CCSER1: variants seen among roughly 807,000 people sequenced by gnomAD.
The protein encoded by CCSER1 is coiled-coil serine rich protein 1.
CCSER1 carries 41 observed loss-of-function variants against 82.0 expected under a neutral mutation model. That is an observed-to-expected ratio of 0.50 (90% CI 0.39 to 0.65). The LOEUF (loss-of-function observed/expected upper bound fraction) is 0.65, where lower values mean the gene tolerates loss of function less well. Among genes scored for constraint, CCSER1 ranks in the 30% least tolerant of loss-of-function variants. The pLI is 0.00. For synonymous variants in CCSER1, 414 were observed against 383.9 expected (o/e 1.08, Z -0.92); for missense variants, 1,119 against 1,064.2 (o/e 1.05, Z -0.72).
At chr4:91,110,306 A>C (rs1725989818) in intron 10 of CCSER1, among the ~76,000 whole-genome samples, 1 of 151,004 alleles carries the variant, frequency 6.6e-6, no homozygotes, top group African/African-American at 2.4e-5. Context: ...GGAAAAAAAT[A>C]AACTTAGTGC....
At chr4:91,423,304 C>G (rs74740425) in intron 10 of CCSER1, among the ~76,000 whole-genome samples, 1 of 151,202 alleles carries the variant, frequency 6.6e-6, no homozygotes, top group Non-Finnish European at 1.5e-5. Context: ...ATGGAAAGTG[C>G]CTGTAATCCC....
intron 3 of CCSER1, among the ~76,000 whole-genome samples, chr4:90,323,319 T>C (rs1002953847): frequency 2.0e-5 from 3 of 152,232 alleles, no homozygotes; most frequent in African/African-American, 4.8e-5. Flanking sequence ...AACTGGGATT[T>C]GCCCAAGGAC....
At chr4:91,130,055 C>T (rs1727866987) in intron 10 of CCSER1, 1 of 151,732 alleles carries the variant, frequency 6.6e-6, no homozygotes, top group Non-Finnish European at 1.5e-5. Flanking sequence ...TTTTAATATA[C>T]AATTTTAAAT....
At chr4:91,249,527 A>G (rs899086098) in intron 10 of CCSER1, among the ~76,000 whole-genome samples, 1 of 152,072 alleles carries the variant, frequency 6.6e-6, no homozygotes, top group African/African-American at 2.4e-5. Flanking sequence ...TAAAGGGATA[A>G]CAGCTTTATT....
At chr4:90,723,003 A>C (rs1301968677) in intron 6 of CCSER1, among the ~76,000 whole-genome samples, 1 of 151,884 alleles carries the variant, frequency 6.6e-6, no homozygotes, top group Non-Finnish European at 1.5e-5. Flanking sequence ...TTTGGTTTTA[A>C]TCTTCACTGC....
chr4:90,961,013 A>G (rs2150375476), intron 9 of CCSER1, among the ~76,000 whole-genome samples: 1 of 152,252 alleles, frequency 6.6e-6, no homozygotes, highest in Middle Eastern at 3.4e-3. Flanking sequence ...CCCTAATTAT[A>G]TCTTGCATTT....
Position 91,306,640 on chromosome 4 carries a change from C to T in CCSER1, c.2217+220646C>T, listed in dbSNP as rs78067597. 1.1e-3 allele frequency among the ~76,000 whole-genome samples: 170 copies of T among 151,950 alleles called. 1 individual carries two copies. The highest frequency in any genetic ancestry group is 3.8e-3 in the African/African-American group (157 of 41,504). ...AGTCTGAAACTTGGTTCATTCAAAG[C>T]TGGAAAGAAAAAAATCAAGATGATT... On this transcript the variant is annotated intron_variant, in intron 10 of 10. Transcript: ENST00000509176.
At position 91,602,964 on chromosome 4, in the gene CCSER1, G is replaced by T. The variant is rs1764865258; in HGVS notation, c.*3907G>T. Among the ~76,000 whole-genome samples, 1 of 151,968 alleles carries T rather than the reference G, an allele frequency of 6.6e-6. No individual in the cohort carries two copies. The highest frequency in any genetic ancestry group is 6.6e-5 in the Admixed American group (1 of 15,228). On this transcript the variant is annotated 3_prime_UTR_variant, in exon 11 of 11. Transcript: ENST00000509176. Reference sequence around the variant, plus strand: ...GCATATATATATTTTTGTATAAGAAGTATTTCAATCACATGTAATATTCTT... The same window carrying T: ...GCATATATATATTTTTGTATAAGAATTATTTCAATCACATGTAATATTCTT...
chr4:91,157,329 C>T (rs556533259), intron 10 of CCSER1, among the ~76,000 whole-genome samples: 2 of 151,892 alleles, frequency 1.3e-5, no homozygotes, highest in East Asian at 3.9e-4. Context: ...GAAGTAACAA[C>T]ATAGGAGGAA....
intron 5 of CCSER1, among the ~76,000 whole-genome samples, chr4:90,566,891 A>C (rs1299466616): frequency 1.3e-5 from 2 of 151,784 alleles, no homozygotes; most frequent in African/African-American, 2.4e-5. Context: ...CATGAGCCAC[A>C]GCGCCCGGCC....
intron 10 of CCSER1, among the ~76,000 whole-genome samples, chr4:91,572,820 A>G (rs191117642): frequency 4.9e-4 from 75 of 152,090 alleles, no homozygotes; most frequent in African/African-American, 1.8e-3. Context: ...AAAAAAAAAA[A>G]AAAAAGAAGA....
chr4:90,252,595 T>C lies in CCSER1; in HGVS notation c.-41-55649T>C, dbSNP rs10013447. Among the ~76,000 whole-genome samples, 1,032 of 151,936 alleles carry C rather than the reference T, an allele frequency of 6.8e-3. 8 individuals are homozygous for C. Among genetic ancestry groups the C allele is most frequent in the African/African-American group, 0.024 (1,000 of 41,546 alleles). ...ATCACATCATGGAAAATGGTACATC[T>C]ATCCTCTCAAGCATTTATCCTTTGT... On this transcript the variant is annotated intron_variant, in intron 1 of 10. Transcript: ENST00000509176.
chr4:91,115,281 G>A (rs1462854352), intron 10 of CCSER1, among the ~76,000 whole-genome samples: 2 of 152,078 alleles, frequency 1.3e-5, no homozygotes, highest in Non-Finnish European at 2.9e-5. Context: ...AATGTACCCA[G>A]TTTGTACTCC....
intron 6 of CCSER1, among the ~76,000 whole-genome samples, chr4:90,648,642 A>G (rs1480477865): frequency 6.6e-6 from 1 of 152,202 alleles, no homozygotes; most frequent in Non-Finnish European, 1.5e-5. Context: ...AAGCCAAGTG[A>G]GGACAGAGAG....
intron 10 of CCSER1, among the ~76,000 whole-genome samples, chr4:91,572,236 C>A (rs1249303836): frequency 6.6e-6 from 1 of 152,090 alleles, no homozygotes; most frequent in Admixed American, 6.6e-5. Context: ...TTTTCCCATA[C>A]CTGGTGGTAT....
chr4:91,058,808 C>T lies in CCSER1; in HGVS notation c.2173-27142C>T, dbSNP rs150419430. ...ACTGAAATTTATAAAGTTTAAGTAACTTGCTCAGGTTTATATAGCTCTTAT... is the reference window on the plus strand; with the variant it reads ...ACTGAAATTTATAAAGTTTAAGTAATTTGCTCAGGTTTATATAGCTCTTAT... On this transcript the variant is annotated intron_variant, in intron 9 of 10. Coordinates refer to ENST00000509176, the MANE Select transcript of CCSER1 (RefSeq NM_001145065.2). 1.1e-3 allele frequency among the ~76,000 whole-genome samples: 165 copies of T among 152,098 alleles called. 1 individual carries two copies. In the East Asian group the frequency reaches 0.028, roughly 26 times the overall value.
intron 10 of CCSER1, among the ~76,000 whole-genome samples, chr4:91,194,798 G>A (rs777349705): frequency 2.6e-5 from 4 of 152,196 alleles, no homozygotes; most frequent in Non-Finnish European, 4.4e-5. Context: ...TATTTGTCAG[G>A]ATAAGGTCAA....
chr4:90,552,091 C>T (rs1378799613), intron 5 of CCSER1, among the ~76,000 whole-genome samples: 3 of 152,124 alleles, frequency 2.0e-5, no homozygotes, highest in Admixed American at 6.5e-5. Flanking sequence ...TAGCCCCATT[C>T]ACAAGGGAGG....
intron 9 of CCSER1, among the ~76,000 whole-genome samples, chr4:90,966,441 A>G (rs1734567535): frequency 6.6e-6 from 1 of 152,124 alleles, no homozygotes; most frequent in South Asian, 2.1e-4. Flanking sequence ...GTGGGATGAT[A>G]TATTCAGTAC....
Sources: gnomAD v4.1 joint callset for allele counts (sites outside exome capture counted in the v4.1 genomes callset) on GRCh38, gnomAD v4.1.1 for gene constraint, MANE v1.5 for transcripts, NCBI Gene and HGNC (gene_info 2026-07-23, HGNC 2026-07-21) for gene names.